CLEC12A: variants seen among roughly 807,000 people sequenced by gnomAD.
The protein encoded by CLEC12A is C-type lectin domain family 12 member A, also known as C-type lectin protein CLL-1.
Under a neutral mutation model 26.5 loss-of-function variants are expected in CLEC12A, and 22 were observed. That is an observed-to-expected ratio of 0.83 (90% CI 0.59 to 1.19). CLEC12A has a LOEUF of 1.19. Among genes scored for constraint, CLEC12A ranks in the 50% most tolerant of loss-of-function variants. The pLI, the probability that CLEC12A is intolerant of heterozygous loss-of-function variation, is 0.00. For synonymous variants in CLEC12A, 119 were observed against 101.9 expected (o/e 1.17, Z -1.01); for missense variants, 353 against 315.6 (o/e 1.12, Z -0.90).
At chr12:9,952,247 A>G (rs1475912862) in intron 1 of CLEC12A, among the ~76,000 whole-genome samples, 1 of 144,302 alleles carries the variant, frequency 6.9e-6, no homozygotes, top group Non-Finnish European at 1.5e-5. Context: ...CCGAAGCTGG[A>G]CTGTACTGCT....
At chr12:9,963,653 A>T (rs2961538) in intron 1 of CLEC12A, among the ~76,000 whole-genome samples, 192 of 152,310 alleles carry the variant, frequency 1.3e-3, no homozygotes, top group Non-Finnish European at 2.1e-3. Context: ...ATTGAATTTT[A>T]GGAGTAAGGA....
intron 4 of CLEC12A, chr12:9,993,185 A>G: frequency 6.2e-7 from 1 of 1,612,374 alleles, no homozygotes; most frequent in African/African-American, 1.3e-5. Context: ...CCTTCCTCTC[A>G]CACATTAAAT....
intron 1 of CLEC12A, among the ~76,000 whole-genome samples, chr12:9,956,511 GA>G (rs2137094729): frequency 6.6e-6 from 1 of 152,248 alleles, no homozygotes; most frequent in South Asian, 2.1e-4. Flanking sequence ...GGGACCTCAA[GA>G]AAAGAGGAAT....
chr12:9,964,694 C>T (rs1040466911), intron 1 of CLEC12A, among the ~76,000 whole-genome samples: 17 of 151,988 alleles, frequency 1.1e-4, no homozygotes, highest in African/African-American at 4.1e-4. Context: ...GAAGTTATTT[C>T]CTTGAGGATA....
At chr12:9,963,350 A>G (rs905183075) in intron 1 of CLEC12A, among the ~76,000 whole-genome samples, 5 of 151,024 alleles carry the variant, frequency 3.3e-5, no homozygotes, top group African/African-American at 1.2e-4. Context: ...CTCCTTTTTC[A>G]GCAGTGACTA....
chr12:9,984,022 A>G, intron 5 of CLEC12A: 1 of 291,662 alleles, frequency 3.4e-6, no homozygotes, highest in Non-Finnish European at 6.7e-6. Flanking sequence ...ATGGTAATCT[A>G]TAATGGAATG....
the CLEC12A span, among the ~76,000 whole-genome samples, chr12:10,002,661 C>G: frequency 1.3e-5 from 2 of 151,986 alleles, no homozygotes; most frequent in Non-Finnish European, 2.9e-5. Context: ...CCAGGATGAT[C>G]TCGATCTCCT....
intron 1 of CLEC12A, chr12:9,951,555 G>T: frequency 1.7e-6 from 1 of 572,154 alleles, no homozygotes; most frequent in Non-Finnish European, 3.1e-6. Flanking sequence ...TGTGGGTCCA[G>T]ACAGCAGGAT....
chr12:10,001,892 T>TC, the CLEC12A span, among the ~76,000 whole-genome samples: 1 of 151,328 alleles, frequency 6.6e-6, no homozygotes, highest in African/African-American at 2.4e-5. Context: ...TTTTTTTTTT[T>TC]TTTTTGAGAC....
At chr12:9,992,067 G>A (rs1292285183) in intron 4 of CLEC12A, 1 of 152,010 alleles carries the variant, frequency 6.6e-6, no homozygotes, top group Admixed American at 6.6e-5. Flanking sequence ...GTTCGTAAAT[G>A]GTAGCCACTA....
chr12:9,988,014 C>T (rs1374864861), downstream of CLEC12A, among the ~76,000 whole-genome samples: 1 of 151,864 alleles, frequency 6.6e-6, no homozygotes, highest in Non-Finnish European at 1.5e-5. Context: ...TGAGTTAATG[C>T]TAAAATGAGT....
At chr12:9,962,417 C>T (rs561845742) in intron 1 of CLEC12A, among the ~76,000 whole-genome samples, 5 of 152,110 alleles carry the variant, frequency 3.3e-5, no homozygotes, top group African/African-American at 1.2e-4. Flanking sequence ...CATTTCTTTC[C>T]CTTTTTTCCG....
At chr12:9,997,192 A>G (rs908707499), downstream of CLEC12A, 2 of 1,613,988 alleles carry the variant, frequency 1.2e-6, no homozygotes, top group African/African-American at 1.3e-5. Flanking sequence ...TTGTTTTACC[A>G]CATATTGACA....
In CLEC12A at chr12:9,979,370, GA is replaced by G; in HGVS notation, c.227del (p.Asn76ThrfsTer18). On this transcript the variant is annotated frameshift_variant, in exon 3 of 6. Transcript: ENST00000304361. LOFTEE classifies it high-confidence loss of function. Reference sequence around the variant, plus strand: ...CTTTGAAGATAGAAATGAAAAAAATGAACAAACTACAAAACATCAGTGAAGA... The same window carrying G: ...CTTTGAAGATAGAAATGAAAAAAATGACAAACTACAAAACATCAGTGAAGA... The part of the protein sequence containing the change: ...VTLKIEMKKM[N>X]KLQNISEELQ... 1 of 1,601,680 alleles carries G rather than the reference GA, an allele frequency of 6.2e-7. No individual in the cohort carries two copies. Among genetic ancestry groups the G allele is most frequent in the Non-Finnish European group, 8.5e-7 (1 of 1,174,220 alleles).
intron 1 of CLEC12A, among the ~76,000 whole-genome samples, chr12:9,964,474 T>A (rs991045786): frequency 1.3e-5 from 2 of 151,970 alleles, no homozygotes; most frequent in Non-Finnish European, 2.9e-5. Context: ...AGAATGGGAA[T>A]GAGAATAAGA....
At chr12:9,982,164 G>T in intron 5 of CLEC12A, 35 bp downstream of exon 5, 1 of 1,161,706 alleles carries the variant, frequency 8.6e-7, no homozygotes, top group South Asian at 1.2e-5. Context: ...TTTATAGCTG[G>T]GTTTGAGTAG....
chr12:9,956,338 A>G (rs919057537), intron 1 of CLEC12A, among the ~76,000 whole-genome samples: 3 of 152,226 alleles, frequency 2.0e-5, no homozygotes, highest in Non-Finnish European at 4.4e-5. Context: ...TCTTTGGCAC[A>G]TTGTACATGG....
chr12:9,955,180 G>C lies in CLEC12A; in HGVS notation c.10+3824G>C, dbSNP rs554713893. ...CGGCTCACTGCAAGCTCTGCCTCCC[G>C]GGTTCACGCCATTCTCCTGCCTCAG... On this transcript the variant is annotated intron_variant, in intron 1 of 6. Coordinates refer to the CLEC12A transcript ENST00000355690. Among the ~76,000 whole-genome samples, 7 of 152,114 alleles carry C rather than the reference G, an allele frequency of 4.6e-5. No homozygotes were observed. The South Asian group carries it at 1.5e-3, about 32-fold the overall frequency.
intron 1 of CLEC12A, among the ~76,000 whole-genome samples, chr12:9,962,253 C>CTTTTT (rs71049021): frequency 8.4e-6 from 1 of 119,226 alleles, no homozygotes; most frequent in Non-Finnish European, 1.8e-5. Flanking sequence ...CCGGTTTTTT[C>CTTTTT]TTTTTTTTTT....
Sources: allele counts gnomAD v4.1 joint callset (sites outside exome capture counted in the v4.1 genomes callset), GRCh38; gene constraint gnomAD v4.1.1; transcripts MANE v1.5; gene names NCBI Gene and HGNC (gene_info 2026-07-23, HGNC 2026-07-21).